The following GSE1 variants were observed in gnomAD, a reference collection of about 807,000 sequenced individuals.
The protein encoded by GSE1 is Gse1 coiled-coil protein, also known as genetic suppressor element 1.
In GSE1, 32 loss-of-function variants were observed where a neutral mutation model predicts 112.6. The ratio of observed to expected loss-of-function variants is 0.28; its 90% confidence interval spans 0.21 to 0.38. The LOEUF (loss-of-function observed/expected upper bound fraction) is 0.38. Ranked by LOEUF, GSE1 falls within the 10% of genes least tolerant of loss-of-function variation. The pLI is 1.00. For synonymous variants in GSE1, 1,115 were observed against 735.6 expected, an observed-to-expected ratio of 1.52 and a Z score of -8.35; for missense variants, 2,348 against 1,699.2, an observed-to-expected ratio of 1.38 and a Z score of -6.71.
upstream of GSE1, among the ~76,000 whole-genome samples, chr16:85,610,981 C>A (rs763260558): frequency 6.6e-6 from 1 of 152,236 alleles, no homozygotes; most frequent in Non-Finnish European, 1.5e-5. Context: ...CCGTCGTGGT[C>A]CTGCTCAAAC....
chr16:85,169,757 C>T, exon 1 of GSE1: 1 of 984,016 alleles, frequency 1.0e-6, no homozygotes, highest in Non-Finnish European at 1.2e-6. Flanking sequence ...CGCGAGCTGT[C>T]CCCGGCCGAC....
At chr16:85,623,913 T>G (rs9939823) in intron 1 of GSE1, among the ~76,000 whole-genome samples, 10,537 of 152,182 alleles carry the variant, frequency 0.069, 921 homozygotes, top group African/African-American at 0.21. Flanking sequence ...TTCTTGGCTG[T>G]AGACTAAGGG....
Position 85,654,376 on chromosome 16 carries a change from C to T in GSE1, c.525C>T (p.His175=), listed in dbSNP as rs200380779. Reference sequence around the variant, plus strand: ...CAGGGGGACCAGCCATCCCCTCGCACCTGCTCAGCACCCCCTACCCCTTCG... The same window carrying T: ...CAGGGGGACCAGCCATCCCCTCGCATCTGCTCAGCACCCCCTACCCCTTCG... The part of the protein sequence containing the change: ...EKAGGPAIPS[H]LLSTPYPFGL... Residue 175 remains histidine (H), a synonymous_variant, in exon 4 of 16, where the codon CAC becomes CAT. Transcript: ENST00000253458. The T allele has an allele frequency of 6.2e-7, 1 of 1,611,996 alleles. No individual in the cohort carries two copies. Among genetic ancestry groups the T allele is most frequent in the East Asian group, 2.2e-5 (1 of 44,866 alleles).
At chr16:85,206,892 A>G (rs937215544) in intron 1 of GSE1, among the ~76,000 whole-genome samples, 6 of 149,040 alleles carry the variant, frequency 4.0e-5, no homozygotes, top group Non-Finnish European at 6.0e-5. Flanking sequence ...ATGGCAGGCA[A>G]AGTGCTAATT....
intron 1 of GSE1, among the ~76,000 whole-genome samples, chr16:85,355,932 C>T (rs900973678): frequency 6.6e-6 from 1 of 152,094 alleles, no homozygotes; most frequent in African/African-American, 2.4e-5. Flanking sequence ...GAGGCTGAGG[C>T]AGGGGAATCA....
intron 2 of GSE1, among the ~76,000 whole-genome samples, chr16:85,538,905 C>G (rs1226785394): frequency 6.6e-6 from 1 of 152,234 alleles, no homozygotes; most frequent in Non-Finnish European, 1.5e-5. Flanking sequence ...CTCCCCCACC[C>G]ACCTCGGTAT....
chr16:85,565,814 C>A (rs1224726555), intron 1 of GSE1, among the ~76,000 whole-genome samples: 2 of 152,200 alleles, frequency 1.3e-5, no homozygotes, highest in Non-Finnish European at 2.9e-5. Context: ...GCAGGAGGGA[C>A]CCTGGGTCTC....
chr16:85,524,241 G>GACTC (rs1406881104), intron 2 of GSE1, among the ~76,000 whole-genome samples: 1 of 152,152 alleles, frequency 6.6e-6, no homozygotes, highest in Non-Finnish European at 1.5e-5. Flanking sequence ...CAGCAGAGGT[G>GACTC]ACGCGGGGTG....
chr16:85,625,973 G>A (rs1004402045), intron 1 of GSE1, among the ~76,000 whole-genome samples: 4 of 152,132 alleles, frequency 2.6e-5, no homozygotes, highest in Non-Finnish European at 5.9e-5. Context: ...CCACCTGCTT[G>A]TGTTTTCTCA....
At chr16:85,438,139 G>A (rs534128471) in intron 2 of GSE1, among the ~76,000 whole-genome samples, 94 of 152,248 alleles carry the variant, frequency 6.2e-4, no homozygotes, top group African/African-American at 2.1e-3. Flanking sequence ...CTGTGTTTTC[G>A]TCTCTGCCTC....
At chr16:85,650,153 T>A (rs1376593341) in intron 3 of GSE1, among the ~76,000 whole-genome samples, 1 of 152,180 alleles carries the variant, frequency 6.6e-6, no homozygotes, top group African/African-American at 2.4e-5. Context: ...GGGCGTGGCC[T>A]GGAGGGTGGA....
intron 14 of GSE1, among the ~76,000 whole-genome samples, chr16:85,670,286 CAA>C (rs2053224396): frequency 6.6e-6 from 1 of 152,084 alleles, no homozygotes. Context: ...CCAGTGCTGC[CAA>C]AGAGAGGCAC....
chr16:85,555,560 C>T, upstream of GSE1: 3 of 968,126 alleles, frequency 3.1e-6, no homozygotes, highest in Non-Finnish European at 3.7e-6. Context: ...CCTCTCCCCT[C>T]TCCCGCTCGC....
intron 1 of GSE1, among the ~76,000 whole-genome samples, chr16:85,327,298 G>A (rs2046245797): frequency 6.6e-6 from 1 of 152,176 alleles, no homozygotes; most frequent in African/African-American, 2.4e-5. Flanking sequence ...CAAGGGAATG[G>A]GGACAAAACT....
At chr16:85,357,565 A>T (rs1355801808) in exon 2 of GSE1, 1 of 1,288,480 alleles carries the variant, frequency 7.8e-7, no homozygotes, top group Admixed American at 2.3e-5. Context: ...CAGAGGCCCC[A>T]GGATGGCCCA....
chr16:85,485,945 G>A (rs760618875), intron 2 of GSE1, among the ~76,000 whole-genome samples: 3 of 152,220 alleles, frequency 2.0e-5, no homozygotes, highest in Admixed American at 6.5e-5. Context: ...GAGGCCATGA[G>A]CCTGCACTGG....
intron 1 of GSE1, among the ~76,000 whole-genome samples, chr16:85,624,875 G>C (rs1383773531): frequency 6.6e-6 from 1 of 152,212 alleles, no homozygotes; most frequent in Non-Finnish European, 1.5e-5. Flanking sequence ...GCATGGGTGA[G>C]CCCCCGGCTC....
chr16:85,552,112 G>T (rs1236411989), upstream of GSE1, among the ~76,000 whole-genome samples: 1 of 151,404 alleles, frequency 6.6e-6, no homozygotes, highest in African/African-American at 2.4e-5. Flanking sequence ...TGCAAGCTCC[G>T]CCTTCAGGGT....
At chr16:85,433,220 A>G (rs927215611) in intron 2 of GSE1, among the ~76,000 whole-genome samples, 7 of 152,024 alleles carry the variant, frequency 4.6e-5, no homozygotes, top group African/African-American at 1.7e-4. Flanking sequence ...TGCTTGGTTT[A>G]CATTGTCATT....
Sources: allele counts gnomAD v4.1 joint callset (sites outside exome capture counted in the v4.1 genomes callset), GRCh38; gene constraint gnomAD v4.1.1; transcripts MANE v1.5; gene names NCBI Gene and HGNC (gene_info 2026-07-23, HGNC 2026-07-21).